UNC5C: variants seen among roughly 807,000 people sequenced by gnomAD.
UNC5C encodes netrin receptor UNC5C.
Under a neutral mutation model 99.8 loss-of-function variants are expected in UNC5C, and 47 were observed. The ratio of observed to expected loss-of-function variants is 0.47; its 90% CI spans 0.37 to 0.60. UNC5C has a LOEUF of 0.60. Among genes scored for constraint, UNC5C ranks in the 20% least tolerant of loss-of-function variants. The pLI, the probability that UNC5C is intolerant of heterozygous loss-of-function variation, is 0.00. For synonymous variants in UNC5C, 487 were observed against 452.2 expected, an observed-to-expected ratio of 1.08 and a Z score of -0.98; for missense variants, 1,062 against 1,165.9, an observed-to-expected ratio of 0.91 and a Z score of 1.30.
chr4:95,237,433 G>T (rs994721236), intron 7 of UNC5C, among the ~76,000 whole-genome samples: 1 of 152,076 alleles, frequency 6.6e-6, no homozygotes, highest in South Asian at 2.1e-4. Context: ...TATCTTTAAA[G>T]TATTCATTAG....
chr4:95,265,793 A>G (rs947802853), intron 4 of UNC5C, among the ~76,000 whole-genome samples: 1 of 152,146 alleles, frequency 6.6e-6, no homozygotes, highest in Non-Finnish European at 1.5e-5. Flanking sequence ...CCTCCCACTA[A>G]TTGAGCTTGC....
intron 2 of UNC5C, among the ~76,000 whole-genome samples, chr4:95,332,302 A>G (rs1010153241): frequency 1.3e-4 from 19 of 149,888 alleles, no homozygotes; most frequent in Admixed American, 2.7e-4. Flanking sequence ...GAGGCATCAC[A>G]CTACCTGACT....
chr4:95,437,466 TGTAAAAGGAAC>T (rs1746827397), intron 1 of UNC5C, among the ~76,000 whole-genome samples: 2 of 152,106 alleles, frequency 1.3e-5, no homozygotes, highest in South Asian at 2.1e-4. Context: ...TGTGGCATAT[TGTAAAAGGAAC>T]TTGTAGCACT....
chr4:95,201,884 G>A (rs571831239), intron 12 of UNC5C, among the ~76,000 whole-genome samples: 204 of 152,224 alleles, frequency 1.3e-3, no homozygotes, highest in African/African-American at 3.3e-3. Context: ...GATTACAGGC[G>A]TGAGCCACCA....
Position 95,548,768 on chromosome 4 carries a change from C to G in UNC5C, c.90G>C (p.Leu30=). 7 of 1,613,176 alleles carry G rather than the reference C, an allele frequency of 4.3e-6. No individual in the cohort carries two copies. The highest frequency in any genetic ancestry group is 5.9e-6 in the Non-Finnish European group (7 of 1,179,812). ...CGGAGCCAGTGCCGCTGGCGCTGAG[C>G]AGGGCCAGGGCAGGTAGCACGAGCA... ...LQMLVLPALA[L]LSASGTGSAA... The change falls in exon 1 of 16, where the codon CTG becomes CTC. Residue 30 remains leucine, a synonymous_variant. Transcript: ENST00000453304.
At chr4:95,261,735 G>A (rs919808774) in intron 4 of UNC5C, among the ~76,000 whole-genome samples, 10 of 145,174 alleles carry the variant, frequency 6.9e-5, no homozygotes, top group African/African-American at 1.0e-4. Flanking sequence ...ACGGTGTCTC[G>A]CTCTGTCGCC....
chr4:95,258,872 C>G (rs950862301), intron 4 of UNC5C, among the ~76,000 whole-genome samples: 1 of 148,704 alleles, frequency 6.7e-6, no homozygotes, highest in Admixed American at 6.7e-5. Flanking sequence ...CGCCATTCTC[C>G]TGCCTCAGCC....
At chr4:95,391,168 G>A (rs1745349292) in intron 1 of UNC5C, among the ~76,000 whole-genome samples, 1 of 152,310 alleles carries the variant, frequency 6.6e-6, no homozygotes, top group Admixed American at 6.5e-5. Context: ...CAGTCATGTG[G>A]AACTGTGAGT....
At chr4:95,392,948 T>C (rs1329916083) in intron 1 of UNC5C, among the ~76,000 whole-genome samples, 1 of 152,198 alleles carries the variant, frequency 6.6e-6, no homozygotes, top group Non-Finnish European at 1.5e-5. Flanking sequence ...CATAAGACTA[T>C]AAAAAAGACA....
intron 1 of UNC5C, among the ~76,000 whole-genome samples, chr4:95,383,158 C>T (rs972381516): frequency 3.9e-5 from 6 of 152,082 alleles, no homozygotes; most frequent in African/African-American, 1.4e-4. Flanking sequence ...ATAACAAATA[C>T]AAAAACAGAA....
chr4:95,427,105 G>A (rs1434578950), intron 1 of UNC5C, among the ~76,000 whole-genome samples: 1 of 152,180 alleles, frequency 6.6e-6, no homozygotes, highest in Non-Finnish European at 1.5e-5. Flanking sequence ...GGAAGCAATT[G>A]CAGATGTGGT....
chr4:95,526,897 C>T, intron 1 of UNC5C, among the ~76,000 whole-genome samples: 1 of 151,734 alleles, frequency 6.6e-6, no homozygotes, highest in South Asian at 2.1e-4. Flanking sequence ...CTACTAAGTC[C>T]TTAATAAATA....
rs771081973 is a variant in UNC5C, at chr4:95,254,571, C to T, written c.595-3904G>A. On this transcript the variant is annotated intron_variant, in intron 4 of 15. Coordinates refer to ENST00000453304, the MANE Select transcript of UNC5C (RefSeq NM_003728.4). ...AATGCAATCCCTGGATCAATAGCAT[C>T]AGTGTCACTGGGAGCTTGATAGACA... Among the ~76,000 whole-genome samples the T allele has an allele frequency of 4.0e-4, 61 of 152,278 alleles. 1 individual carries two copies. The highest frequency in any genetic ancestry group is 1.3e-4 in the Non-Finnish European group (9 of 68,028).
intron 4 of UNC5C, among the ~76,000 whole-genome samples, chr4:95,269,561 T>G (rs1260188371): frequency 6.6e-6 from 1 of 152,134 alleles, no homozygotes; most frequent in African/African-American, 2.4e-5. Context: ...CTGCTGAGAT[T>G]ACAGTTATGA....
At chr4:95,480,570 T>C (rs575662714) in intron 1 of UNC5C, among the ~76,000 whole-genome samples, 3 of 151,948 alleles carry the variant, frequency 2.0e-5, no homozygotes, top group Admixed American at 6.6e-5. Flanking sequence ...CATATTAAGA[T>C]GATCACAATG....
intron 1 of UNC5C, among the ~76,000 whole-genome samples, chr4:95,464,483 T>C (rs1369881796): frequency 1.3e-5 from 2 of 152,184 alleles, no homozygotes; most frequent in Non-Finnish European, 2.9e-5. Flanking sequence ...CGAAAGGCTT[T>C]TTTTAAGTCA....
intron 14 of UNC5C, among the ~76,000 whole-genome samples, chr4:95,175,381 C>G (rs13353811): frequency 0.018 from 2,763 of 150,668 alleles, 65 homozygotes; most frequent in African/African-American, 0.064. Flanking sequence ...GTGGCTGGTA[C>G]CGGTTGTTCC....
chr4:95,318,980 C>T (rs1281336795), intron 2 of UNC5C, among the ~76,000 whole-genome samples: 2 of 152,206 alleles, frequency 1.3e-5, no homozygotes, highest in African/African-American at 4.8e-5. Flanking sequence ...TCTTTTCCCT[C>T]CTCTCTTTCG....
At chr4:95,305,133 T>C (rs1342636357) in intron 2 of UNC5C, among the ~76,000 whole-genome samples, 2 of 152,228 alleles carry the variant, frequency 1.3e-5, no homozygotes, top group Non-Finnish European at 2.9e-5. Flanking sequence ...CAGGAGGAGC[T>C]GAGTTGTGTA....
Sources: allele counts gnomAD v4.1 joint callset (sites outside exome capture counted in the v4.1 genomes callset), GRCh38; gene constraint gnomAD v4.1.1; transcripts MANE v1.5; gene names NCBI Gene and HGNC (gene_info 2026-07-23, HGNC 2026-07-21).